RABGAP1L: variants seen among roughly 807,000 people sequenced by gnomAD.
The protein encoded by RABGAP1L is RAB GTPase activating protein 1 like, also known as rab GTPase-activating protein 1-like.
A neutral mutation model predicts 137.7 loss-of-function variants in RABGAP1L; 63 were observed. The observed-to-expected ratio is 0.46, with a 90% CI of 0.37 to 0.56. The LOEUF (loss-of-function observed/expected upper bound fraction) is 0.56, where lower values mean the gene tolerates loss of function less well. Ranked by LOEUF, RABGAP1L falls within the 20% of genes least tolerant of loss-of-function variation. The probability of loss-of-function intolerance (pLI) is 0.00; values close to 1 mark genes in which losing one functional copy is unlikely to be tolerated. For missense variants in RABGAP1L, 1,095 were observed against 1,244.0 expected, an observed-to-expected ratio of 0.88 and a Z score of 1.80; for synonymous variants, 431 against 433.7, an observed-to-expected ratio of 0.99 and a Z score of 0.08.
intron 13 of RABGAP1L, among the ~76,000 whole-genome samples, chr1:174,539,259 A>T (rs1665154736): frequency 6.6e-6 from 1 of 151,546 alleles, no homozygotes; most frequent in Admixed American, 6.6e-5. Flanking sequence ...TTTATTTTTG[A>T]TTTATTTTTT....
At chr1:174,356,756 A>C (rs978565703) in intron 11 of RABGAP1L, among the ~76,000 whole-genome samples, 2 of 152,300 alleles carry the variant, frequency 1.3e-5, no homozygotes, top group South Asian at 4.1e-4. Flanking sequence ...ATAATAAGAG[A>C]TAAAACAAAC....
intron 13 of RABGAP1L, among the ~76,000 whole-genome samples, chr1:174,544,042 T>G (rs1665752986): frequency 6.6e-6 from 1 of 152,218 alleles, no homozygotes; most frequent in Non-Finnish European, 1.5e-5. Context: ...TTCCTTTATT[T>G]CAACTTTGGT....
At chr1:174,825,371 T>G (rs1383970040) in intron 19 of RABGAP1L, among the ~76,000 whole-genome samples, 1 of 152,202 alleles carries the variant, frequency 6.6e-6, no homozygotes, top group Admixed American at 6.5e-5. Flanking sequence ...CTTATTCTGT[T>G]ATCCCTAACC....
At chr1:174,666,437 T>C (rs905247857) in intron 14 of RABGAP1L, among the ~76,000 whole-genome samples, 2 of 152,232 alleles carry the variant, frequency 1.3e-5, no homozygotes, top group African/African-American at 4.8e-5. Flanking sequence ...ATATTTACAT[T>C]AGAAATTGGA....
At chr1:174,536,389 G>T (rs372004924) in intron 13 of RABGAP1L, among the ~76,000 whole-genome samples, 5 of 152,136 alleles carry the variant, frequency 3.3e-5, no homozygotes, top group Non-Finnish European at 7.4e-5. Context: ...AGAAGGGAGG[G>T]TTGGGAGATT....
Position 174,264,188 on chromosome 1 carries a change from T to C in RABGAP1L, c.987-8226T>C, listed in dbSNP as rs1427698255. ...AATTTTCAGCATATTTTAATAAATT[T>C]ACTCATTCTTTTTATTTCCCTGGTA... is the stretch of plus-strand genomic sequence containing the variant. On this transcript the variant is annotated intron_variant, in intron 7 of 25. Transcript: ENST00000681986. 4.6e-5 allele frequency among the ~76,000 whole-genome samples: 7 copies of C among 152,236 alleles called. No individual in the cohort carries two copies. In the South Asian group the frequency reaches 1.4e-3, roughly 32 times the overall value.
At chr1:174,646,348 T>G (rs1194583150) in intron 14 of RABGAP1L, among the ~76,000 whole-genome samples, 3 of 152,208 alleles carry the variant, frequency 2.0e-5, no homozygotes, top group Non-Finnish European at 2.9e-5. Context: ...GTTTTAGGTC[T>G]TATGTTTAAG....
rs571813282 is a variant in RABGAP1L at position 174,238,320 on chromosome 1, G to A, written c.543-3163G>A. ...TGTTCCGTTGCCGGTGAGGAACTGC[G>A]TTCCTTTGGAGGAGGAGAGACGCTC... On this transcript the variant is annotated intron_variant, in intron 4 of 25. Transcript: ENST00000681986. Among the ~76,000 whole-genome samples, 210 of 152,286 alleles carry A rather than the reference G, an allele frequency of 1.4e-3. 2 individuals carry two copies. Among genetic ancestry groups the A allele is most frequent in the Non-Finnish European group, 2.2e-3 (148 of 68,030 alleles).
intron 1 of RABGAP1L, among the ~76,000 whole-genome samples, chr1:174,193,585 C>G (rs1293205170): frequency 1.3e-5 from 2 of 152,106 alleles, no homozygotes; most frequent in African/African-American, 4.8e-5. Context: ...TTTCTCTGAC[C>G]TACTCATTTC....
chr1:174,685,344 C>T (rs1678379737), intron 15 of RABGAP1L, among the ~76,000 whole-genome samples: 1 of 152,080 alleles, frequency 6.6e-6, no homozygotes, highest in Admixed American at 6.5e-5. Context: ...GCTCCGCCTC[C>T]CCTGTTCACT....
intron 18 of RABGAP1L, among the ~76,000 whole-genome samples, chr1:174,775,085 C>T (rs1686419498): frequency 6.6e-6 from 1 of 152,118 alleles, no homozygotes; most frequent in Non-Finnish European, 1.5e-5. Context: ...AAGTCAGACA[C>T]ATCTTTCAAT....
chr1:174,542,634 G>A (rs535061592), intron 13 of RABGAP1L, among the ~76,000 whole-genome samples: 10 of 151,958 alleles, frequency 6.6e-5, no homozygotes, highest in East Asian at 3.9e-4. Context: ...GCCTTCTGCT[G>A]GCTTTTGAAT....
chr1:174,603,923 C>G (rs565608151), intron 13 of RABGAP1L, among the ~76,000 whole-genome samples: 3 of 151,748 alleles, frequency 2.0e-5, no homozygotes, highest in South Asian at 4.2e-4. Context: ...GTGCTAATTG[C>G]AAGACAAAGT....
intron 14 of RABGAP1L, among the ~76,000 whole-genome samples, chr1:174,645,048 TAAG>T (rs912820625): frequency 3.9e-5 from 6 of 152,142 alleles, no homozygotes; most frequent in African/African-American, 9.6e-5. Flanking sequence ...TTTTGTTAAA[TAAG>T]AAGATTTTAG....
intron 11 of RABGAP1L, among the ~76,000 whole-genome samples, chr1:174,311,828 A>G (rs1678883596): frequency 6.6e-6 from 1 of 152,152 alleles, no homozygotes; most frequent in African/African-American, 2.4e-5. Context: ...GCTTGTCTCA[A>G]ACTCCTGACC....
At chr1:174,620,888 CA>C (rs1342232229) in intron 13 of RABGAP1L, among the ~76,000 whole-genome samples, 3 of 151,858 alleles carry the variant, frequency 2.0e-5, no homozygotes, top group Non-Finnish European at 4.4e-5. Flanking sequence ...AGACCACTAG[CA>C]AGACTAATAA....
intron 13 of RABGAP1L, among the ~76,000 whole-genome samples, chr1:174,394,734 G>A (rs1479681314): frequency 6.6e-6 from 1 of 151,994 alleles, no homozygotes; most frequent in African/African-American, 2.4e-5. Context: ...TCTAAGTACT[G>A]TATTTTAAAA....
intron 13 of RABGAP1L, among the ~76,000 whole-genome samples, chr1:174,534,132 C>CTGTGTGTGTGTGTGTG (rs35255973): frequency 1.2e-4 from 16 of 132,624 alleles, no homozygotes; most frequent in Non-Finnish European, 1.6e-4. Context: ...GAGGTCAACT[C>CTGTGTGTGTGTGTGTG]TGTGTGTGTG....
At chr1:174,328,726 T>C (rs976311872) in intron 11 of RABGAP1L, among the ~76,000 whole-genome samples, 7 of 152,048 alleles carry the variant, frequency 4.6e-5, no homozygotes, top group African/African-American at 1.4e-4. Context: ...GCCGAGATCA[T>C]GCCACTGCAC....
Sources: allele counts gnomAD v4.1 joint callset (sites outside exome capture counted in the v4.1 genomes callset), GRCh38; gene constraint gnomAD v4.1.1; transcripts MANE v1.5; gene names NCBI Gene and HGNC (gene_info 2026-07-23, HGNC 2026-07-21).